Variants in PCBP2 observed in about 807,000 individuals in gnomAD.
PCBP2 encodes poly(rC) binding protein 2, also known as poly(rC)-binding protein 2.
Under a neutral mutation model 50.1 loss-of-function variants are expected in PCBP2, and 4 were observed. That is an observed-to-expected ratio of 0.08 (90% CI 0.04 to 0.18). PCBP2 has a LOEUF of 0.18. PCBP2 is among the 10% of genes least tolerant of loss of function. The probability of loss-of-function intolerance (pLI) is 1.00; values close to 1 mark genes in which losing one functional copy is unlikely to be tolerated. For missense variants in PCBP2, 161 were observed against 474.3 expected (o/e 0.34, Z 6.14); for synonymous variants, 179 against 168.0 (o/e 1.07, Z -0.51).
chr12:53,468,918 T>A, intron 13 of PCBP2, 86 bp downstream of exon 13: 7 of 182,488 alleles, frequency 3.8e-5, no homozygotes, highest in Non-Finnish European at 5.5e-5. Context: ...CCTGCTACCC[T>A]TTTTTTTTTT....
chr12:53,455,502 T>G lies in PCBP2; in HGVS notation c.126+9T>G. The G allele has an allele frequency of 6.2e-7, 1 of 1,613,616 alleles. No individual in the cohort carries two copies. Among genetic ancestry groups the G allele is most frequent in the South Asian group, 1.1e-5 (1 of 91,058 alleles). ...AGAAGATGCGCGAGGAGGTAAGTTA[T>G]GAAAGACTGAGATTGTTAACTTTGG... On this transcript the variant is annotated intron_variant, in intron 4 of 14. Transcript: ENST00000546463.
intron 9 of PCBP2, among the ~76,000 whole-genome samples, chr12:53,465,241 C>T (rs1245955671): frequency 1.3e-4 from 19 of 151,876 alleles, no homozygotes; most frequent in Admixed American, 1.1e-3. Flanking sequence ...TCCTTTCCTC[C>T]TTTTCCCTAC....
At chr12:53,458,345 C>A (rs1043601764) in intron 5 of PCBP2, among the ~76,000 whole-genome samples, 2 of 149,922 alleles carry the variant, frequency 1.3e-5, no homozygotes, top group Non-Finnish European at 3.0e-5. Context: ...TCATTCTGTT[C>A]CCTAGGCTGG....
intron 10 of PCBP2, among the ~76,000 whole-genome samples, chr12:53,466,887 T>C (rs1371930887): frequency 6.6e-6 from 1 of 152,134 alleles, no homozygotes; most frequent in African/African-American, 2.4e-5. Context: ...AGCCTGTCTG[T>C]GCTTGTCCCT....
chr12:53,479,467 C>G lies in PCBP2; in HGVS notation c.*25C>G, dbSNP rs746780534. 6.2e-7 allele frequency: 1 copy of G among 1,607,026 alleles called. No homozygotes were observed. The highest frequency in any genetic ancestry group is 8.5e-7 in the Non-Finnish European group (1 of 1,174,370). ...GAACAATGCAGATTCATCCATAATC[C>G]CTTTCTGCTGTTCACCACCACCCAT... On this transcript the variant is annotated 3_prime_UTR_variant, in exon 15 of 15. Coordinates refer to ENST00000546463, the MANE Select transcript of PCBP2 (RefSeq NM_031989.5).
At chr12:53,470,666 G>A (rs762964422) in intron 13 of PCBP2, among the ~76,000 whole-genome samples, 9 of 151,744 alleles carry the variant, frequency 5.9e-5, no homozygotes, top group Non-Finnish European at 1.2e-4. Context: ...CATGAGCCAC[G>A]GTCCCCCACC....
intron 2 of PCBP2, 80 bp from the exon 3 acceptor site, chr12:53,455,266 GA>G: frequency 1.5e-6 from 2 of 1,365,760 alleles, no homozygotes; most frequent in Non-Finnish European, 2.0e-6. Context: ...AGAACATGTA[GA>G]AAAAGGAAAA....
chr12:53,471,566 G>C (rs149798027), intron 13 of PCBP2, 72 bp from the exon 14 acceptor site: 46 of 1,365,526 alleles, frequency 3.4e-5, no homozygotes, highest in Non-Finnish European at 4.2e-5. Flanking sequence ...GATTTGGGGT[G>C]GGGGGGTGGG....
At chr12:53,456,799 T>C (rs1941051571) in intron 5 of PCBP2, among the ~76,000 whole-genome samples, 1 of 152,208 alleles carries the variant, frequency 6.6e-6, no homozygotes, top group Admixed American at 6.5e-5. Flanking sequence ...TCCTGGGTCT[T>C]GTATTCAGTC....
intron 14 of PCBP2, among the ~76,000 whole-genome samples, chr12:53,477,145 C>T (rs1456889286): frequency 2.6e-5 from 4 of 152,136 alleles, no homozygotes; most frequent in South Asian, 2.1e-4. Flanking sequence ...AATCCCCATT[C>T]GGGCTTGATA....
At chr12:53,461,423 G>A (rs1031695020) in intron 7 of PCBP2, among the ~76,000 whole-genome samples, 4 of 152,224 alleles carry the variant, frequency 2.6e-5, no homozygotes, top group Non-Finnish European at 5.9e-5. Context: ...AAGGAGGCCA[G>A]AGATTTATTT....
intron 9 of PCBP2, 25 bp from the exon 10 acceptor site, chr12:53,465,907 A>G (rs754252815): frequency 6.3e-7 from 1 of 1,599,602 alleles, no homozygotes; most frequent in South Asian, 1.1e-5. Flanking sequence ...GGTTTTTAAT[A>G]GGAACTGTTT....
Position 53,454,719 on chromosome 12 carries a change from A to AT in PCBP2, c.-75-3dup, listed in dbSNP as rs919484213. 3.9e-5 allele frequency: 41 copies of AT among 1,063,924 alleles called. No homozygotes were observed. Among genetic ancestry groups the AT allele is most frequent in the Non-Finnish European group, 5.4e-5 (37 of 683,874 alleles). The allele number at this position is 1,063,924 out of a possible 1,614,324, so 65.9% of individuals were successfully genotyped here. ...CTCCTCTGATTTTGGTCATGTTTGCATTTTAGTTTTTGGCTTTCACCCCCA... is the reference window on the plus strand; with the variant it reads ...CTCCTCTGATTTTGGTCATGTTTGCATTTTTAGTTTTTGGCTTTCACCCCCA... On this transcript the variant is annotated splice_polypyrimidine_tract_variant and splice_region_variant and intron_variant, in intron 1 of 14. Coordinates refer to ENST00000546463, the MANE Select transcript of PCBP2 (RefSeq NM_031989.5).
chr12:53,457,014 T>A (rs191939948), intron 5 of PCBP2, among the ~76,000 whole-genome samples: 1 of 152,346 alleles, frequency 6.6e-6, no homozygotes, highest in East Asian at 1.9e-4. Context: ...TTAACTAGAA[T>A]GAACTTGAAC....
Position 53,481,027 on chromosome 12 carries a change from G to T in PCBP2, c.*1585G>T. The T allele has an allele frequency of 4.5e-6, 1 of 224,290 alleles. No individual in the cohort carries two copies. The highest frequency in any genetic ancestry group is 1.8e-4 in the South Asian group (1 of 5,594). The allele number at this position is 224,290 out of a possible 1,614,324, so 13.9% of individuals were successfully genotyped here. On this transcript the variant is annotated 3_prime_UTR_variant, in exon 15 of 15. Coordinates refer to ENST00000546463, the MANE Select transcript of PCBP2 (RefSeq NM_031989.5). ...CTGCCAGTGTCCCTAGAGTTTATCA[G>T]GTGAATTGGTCAGGGGATCAGTCTC...
chr12:53,461,203 G>C, intron 7 of PCBP2, 60 bp downstream of exon 7: 1 of 1,577,606 alleles, frequency 6.3e-7, no homozygotes, highest in Non-Finnish European at 8.7e-7. Context: ...CAGAGGGACT[G>C]ATCTATATTT....
chr12:53,471,166 A>G (rs1942205865), intron 13 of PCBP2, among the ~76,000 whole-genome samples: 1 of 152,066 alleles, frequency 6.6e-6, no homozygotes, highest in Non-Finnish European at 1.5e-5. Context: ...ATGGCGGTAT[A>G]CACCTGTAAT....
chr12:53,465,866 T>C, intron 9 of PCBP2, 66 bp from the exon 10 acceptor site: 2 of 1,311,896 alleles, frequency 1.5e-6, no homozygotes, highest in South Asian at 1.2e-5. Flanking sequence ...TGAAATGTCT[T>C]TTTCCCCCCA....
intron 14 of PCBP2, among the ~76,000 whole-genome samples, chr12:53,477,372 C>G (rs1164707405): frequency 2.6e-5 from 4 of 152,008 alleles, no homozygotes; most frequent in Non-Finnish European, 5.9e-5. Context: ...CTTTTAAGAA[C>G]TAAATATCCC....
Sources: gnomAD v4.1 joint callset for allele counts (sites outside exome capture counted in the v4.1 genomes callset) on GRCh38, gnomAD v4.1.1 for gene constraint, MANE v1.5 for transcripts, NCBI Gene and HGNC (gene_info 2026-07-23, HGNC 2026-07-21) for gene names.